The following ZC3HAV1 variants were observed in gnomAD, a reference collection of about 807,000 sequenced individuals.
The protein encoded by ZC3HAV1 is zinc finger CCCH-type antiviral protein 1.
ZC3HAV1 carries 41 observed loss-of-function variants against 86.6 expected under a neutral mutation model. The observed-to-expected ratio is 0.47, with a 90% CI of 0.37 to 0.61. The LOEUF (loss-of-function observed/expected upper bound fraction) is 0.61. Among genes scored for constraint, ZC3HAV1 ranks in the 20% least tolerant of loss-of-function variants. The probability of loss-of-function intolerance (pLI) is 0.00; values close to 1 mark genes in which losing one functional copy is unlikely to be tolerated. For missense variants in ZC3HAV1, 964 were observed against 1,141.1 expected (o/e 0.84, Z 2.24); for synonymous variants, 421 against 432.1 (o/e 0.97, Z 0.32).
chr7:139,092,690 G>T (rs1463921486), intron 1 of ZC3HAV1, among the ~76,000 whole-genome samples: 1 of 152,238 alleles, frequency 6.6e-6, no homozygotes, highest in Non-Finnish European at 1.5e-5. Context: ...TTCCAAAGGT[G>T]CTCATGTCTG....
intron 10 of ZC3HAV1, 57 bp from the exon 11 acceptor site, chr7:139,054,152 A>G (rs1816216781): frequency 2.0e-6 from 3 of 1,485,948 alleles, no homozygotes; most frequent in Non-Finnish European, 2.7e-6. Context: ...AGCATGATAC[A>G]TCCACATATG....
rs539459260 is a variant in ZC3HAV1 at position 139,059,364 on chromosome 7, C to T, written c.2096+1672G>A. On this transcript the variant is annotated intron_variant, in intron 9 of 12. Transcript: ENST00000242351. ...AAGTGCAGTGGCTCATGCCTGTCATCCCAGCACTTTGGGAGGCTGAGGCAG... is the reference window on the plus strand; with the variant it reads ...AAGTGCAGTGGCTCATGCCTGTCATTCCAGCACTTTGGGAGGCTGAGGCAG... Among the ~76,000 whole-genome samples the T allele has an allele frequency of 4.2e-4, 64 of 152,326 alleles. 1 individual carries two copies. The highest frequency in any genetic ancestry group is 1.2e-3 in the South Asian group (6 of 4,824).
chr7:139,087,447 CAGAG>C (rs58929440), intron 2 of ZC3HAV1, among the ~76,000 whole-genome samples: 11 of 138,838 alleles, frequency 7.9e-5, no homozygotes, highest in Non-Finnish European at 1.1e-4. Flanking sequence ...GAGACAGAGA[CAGAG>C]AGAGAGAGAG....
chr7:139,109,446 C>T lies in ZC3HAV1; in HGVS notation c.-115G>A, dbSNP rs1818044368. ...GCGGGCGGTGCTACTGCTGGGCGCG[C>T]CCGGAGTCAGCGAGGGCGCGCTCTC... On this transcript the variant is annotated 5_prime_UTR_variant, in exon 1 of 13. Coordinates refer to ENST00000242351, the MANE Select transcript of ZC3HAV1 (RefSeq NM_020119.4). The T allele has an allele frequency of 7.5e-7, 1 of 1,341,168 alleles. No individual in the cohort carries two copies. The highest frequency in any genetic ancestry group is 2.6e-5 in the East Asian group (1 of 38,582). 83.1% of individuals were successfully genotyped at this position (1,341,168 alleles called of 1,614,324 possible). A position where few individuals can be genotyped will look rare whatever the true frequency, so the allele number is the denominator to read the frequency against.
At chr7:139,085,946 A>C (rs1435795410) in intron 2 of ZC3HAV1, among the ~76,000 whole-genome samples, 3 of 151,810 alleles carry the variant, frequency 2.0e-5, no homozygotes, top group African/African-American at 7.3e-5. Context: ...CCCGAGACGG[A>C]GGTTGCAGGA....
At position 139,055,241 on chromosome 7, in the gene ZC3HAV1, C is replaced by G. The variant is rs745403454; in HGVS notation, c.2151G>C (p.Gln717His). 5.8e-5 allele frequency: 93 copies of G among 1,613,208 alleles called. No individual in the cohort carries two copies. Among genetic ancestry groups the G allele is most frequent in the Non-Finnish European group, 7.8e-5 (92 of 1,179,568 alleles). The change falls in exon 10 of 13, where the codon CAG becomes CAC. Residue 717 changes from glutamine to histidine, a missense_variant. By Grantham distance (24) the Gln-to-His change is conservative. Transcript: ENST00000242351. ...SVSLTATFRP[Q>H]EDFCFLSSKK... ...TTGAGGATAGGAAGCAAAAGTCCTCCTGAGGACGAAAGGTCGCAGTTAAAG... is the reference window on the plus strand; with the variant it reads ...TTGAGGATAGGAAGCAAAAGTCCTCGTGAGGACGAAAGGTCGCAGTTAAAG...
Position 139,109,090 on chromosome 7 carries a change from G to T in ZC3HAV1, c.242C>A (p.Pro81His). The T allele has an allele frequency of 6.3e-7, 1 of 1,593,578 alleles. No homozygotes were observed. Among genetic ancestry groups the T allele is most frequent in the Non-Finnish European group, 8.6e-7 (1 of 1,169,100 alleles). The change falls in exon 1 of 13, where the codon CCC becomes CAC. Residue 81 changes from proline to histidine, a missense_variant. By Grantham distance (77) the Pro-to-His change is moderately conservative (BLOSUM62 -2). Transcript: ENST00000242351. ...TTTGCAGAGATGCAGGTTATCGCAG[G>T]GTCTCTGGCAGTACTTGCGACGGCA... ...RVCRRKYCQR[P>H]CDNLHLCKLN...
At chr7:139,096,059 G>A (rs946004190) in intron 1 of ZC3HAV1, among the ~76,000 whole-genome samples, 2 of 152,112 alleles carry the variant, frequency 1.3e-5, no homozygotes, top group African/African-American at 4.8e-5. Flanking sequence ...TTGTTGCTCA[G>A]GCTGGAGTGC....
intron 1 of ZC3HAV1, among the ~76,000 whole-genome samples, chr7:139,092,856 C>CCTGCAACATCTCTGTCTCGT (rs1310781856): frequency 6.6e-6 from 1 of 152,226 alleles, no homozygotes; most frequent in Admixed American, 6.5e-5. Context: ...CCAGTCTCAA[C>CCTGCAACATCTCTGTCTCGT]CTGCAACATC....
intron 7 of ZC3HAV1, among the ~76,000 whole-genome samples, chr7:139,073,647 C>T (rs368344605): frequency 6.6e-6 from 1 of 151,994 alleles, no homozygotes; most frequent in East Asian, 1.9e-4. Flanking sequence ...CCTGCCACCA[C>T]GCCTGGCTAA....
rs1465015194 is a variant in ZC3HAV1 at position 139,089,695 on chromosome 7, C to T, written c.373G>A (p.Glu125Lys). Residue 125 changes from glutamate (E) to lysine (K), a missense_variant, in exon 2 of 13, where the codon GAA (glutamate) becomes AAA (lysine). By Grantham distance (56) the Glu-to-Lys change is moderately conservative. Transcript: ENST00000242351. ...EENFKVLKNHELSGLNKEELA... is the reference protein window; with the variant it reads ...EENFKVLKNHKLSGLNKEELA... ...TCCTCTTTGTTCAGTCCAGAGAGTTCGTGATTTTTCAGGACTTTGAAGTTC... is the reference window on the plus strand; with the variant it reads ...TCCTCTTTGTTCAGTCCAGAGAGTTTGTGATTTTTCAGGACTTTGAAGTTC... The T allele has an allele frequency of 5.0e-6, 8 of 1,612,662 alleles. No homozygotes were observed. The highest frequency in any genetic ancestry group is 3.3e-5 in the South Asian group (3 of 90,796).
Position 139,079,967 on chromosome 7 carries a change from C to T in ZC3HAV1, c.974G>A (p.Gly325Glu). 6.2e-7 allele frequency: 1 copy of T among 1,614,134 alleles called. No homozygotes were observed. Residue 325 changes from glycine (G) to glutamate (E), a missense_variant, in exon 4 of 13, where the codon GGG becomes GAG. Gly to Glu is a moderately conservative substitution (Grantham distance 98). Coordinates refer to ENST00000242351, the MANE Select transcript of ZC3HAV1 (RefSeq NM_020119.4). The part of the protein sequence containing the change: ...ATDLGGTSQA[G>E]TSQRFLENGS... ...GTTCTCTAAAAACCTCTGGCTTGTC[C>T]CGGCCTGACTTGTTCCTCCAAGATC...
intron 1 of ZC3HAV1, among the ~76,000 whole-genome samples, chr7:139,100,492 C>T (rs1817718035): frequency 6.6e-6 from 1 of 152,020 alleles, no homozygotes; most frequent in African/African-American, 2.4e-5. Context: ...CGAGATTGCA[C>T]CACTGCACTC....
rs761712195 is a variant in ZC3HAV1, at chr7:139,072,590, A to C, written c.1872+1266T>G. Among the ~76,000 whole-genome samples, 49 of 151,824 alleles carry C rather than the reference A, an allele frequency of 3.2e-4. 1 individual carries two copies. The highest frequency in any genetic ancestry group is 6.3e-4 in the Non-Finnish European group (43 of 67,978). On this transcript the variant is annotated intron_variant, in intron 7 of 12. Transcript: ENST00000242351. ...AAGGTCTGTTTTCTCTCTCTCTTTA[A>C]TCCTATGAGTTAAAGGGAGGAAGGG...
intron 1 of ZC3HAV1, among the ~76,000 whole-genome samples, chr7:139,105,449 T>C (rs989956286): frequency 2.6e-5 from 4 of 152,234 alleles, no homozygotes; most frequent in Non-Finnish European, 5.9e-5. Flanking sequence ...ATAGTGATTA[T>C]TTTTGCATCA....
chr7:139,108,921 G>A lies in ZC3HAV1; in HGVS notation c.308+103C>T. On this transcript the variant is annotated intron_variant, in intron 1 of 12. Coordinates refer to ENST00000242351, the MANE Select transcript of ZC3HAV1 (RefSeq NM_020119.4). This position sits in a 1 kb window ranked among gnomAD's most constrained non-coding sequence, Gnocchi z 4.2. ...TGGCTGGAGGCGGAGGCTGTCAGGT[G>A]CGGGGTCCCGGCGAAGCCGTGCCCC... is the stretch of plus-strand genomic sequence containing the variant. The A allele has an allele frequency of 7.2e-7, 1 of 1,388,564 alleles. No homozygotes were observed. Among genetic ancestry groups the A allele is most frequent in the Middle Eastern group, 2.6e-4 (1 of 3,898 alleles). 86.0% of individuals were successfully genotyped at this position (1,388,564 alleles called of 1,614,324 possible). A position where few individuals can be genotyped will look rare whatever the true frequency, so the allele number is the denominator to read the frequency against.
intron 1 of ZC3HAV1, among the ~76,000 whole-genome samples, chr7:139,091,455 A>G (rs370340083): frequency 8.5e-5 from 13 of 152,098 alleles, no homozygotes; most frequent in African/African-American, 2.6e-4. Context: ...GCGACAGAGC[A>G]AGACTCTGTC....
chr7:139,060,703 G>T, intron 9 of ZC3HAV1: 1 of 1,040,648 alleles, frequency 9.6e-7, no homozygotes, highest in Non-Finnish European at 1.2e-6. Context: ...AGAATCCACA[G>T]CAAAACAAAA....
At chr7:139,078,988 AC>A (rs1817039745) in intron 4 of ZC3HAV1, 1 of 1,404,544 alleles carries the variant, frequency 7.1e-7, no homozygotes, top group South Asian at 1.4e-5. Flanking sequence ...CATAACCAAA[AC>A]CCTCTAACTC....
Sources: gnomAD v4.1 joint callset for allele counts (sites outside exome capture counted in the v4.1 genomes callset) on GRCh38, gnomAD v4.1.1 for gene constraint, Gnocchi (gnomAD v3.1) non-coding constraint, MANE v1.5 for transcripts, NCBI Gene and HGNC (gene_info 2026-07-23, HGNC 2026-07-21) for gene names.